The following VTI1A variants were observed in gnomAD, a reference collection of about 807,000 sequenced individuals.
VTI1A encodes the protein vesicle transport through interaction with t-SNAREs 1A.
A neutral mutation model predicts 34.9 loss-of-function variants in VTI1A; 22 were observed. That is an observed-to-expected ratio of 0.63 (90% CI 0.45 to 0.90). The LOEUF is 0.90. Ranked by LOEUF, VTI1A falls within the 40% of genes least tolerant of loss-of-function variation. The pLI is 0.00. For synonymous variants in VTI1A, 87 were observed against 97.3 expected (o/e 0.89, Z 0.62); for missense variants, 268 against 275.6 (o/e 0.97, Z 0.20).
intron 1 of VTI1A, among the ~76,000 whole-genome samples, chr10:112,458,318 C>G (rs1029626614): frequency 2.0e-4 from 30 of 152,144 alleles, no homozygotes; most frequent in African/African-American, 6.5e-4. Flanking sequence ...GTATTTTTCT[C>G]TATCACAAAA....
chr10:112,708,110 G>A (rs1013561382), intron 7 of VTI1A, among the ~76,000 whole-genome samples: 2 of 152,192 alleles, frequency 1.3e-5, no homozygotes, highest in African/African-American at 4.8e-5. Flanking sequence ...CTAAACACAA[G>A]GACTCATTGC....
intron 7 of VTI1A, among the ~76,000 whole-genome samples, chr10:112,794,606 A>G (rs1273643745): frequency 1.2e-4 from 19 of 152,026 alleles, no homozygotes; most frequent in Admixed American, 1.2e-3. Flanking sequence ...TATGATCCCA[A>G]CGCCTAGACA....
chr10:112,662,103 A>T (rs1847483812), intron 5 of VTI1A, among the ~76,000 whole-genome samples: 1 of 152,156 alleles, frequency 6.6e-6, no homozygotes, highest in Non-Finnish European at 1.5e-5. Context: ...GTTTTCAGAA[A>T]TTGGACTGTG....
intron 5 of VTI1A, among the ~76,000 whole-genome samples, chr10:112,559,784 G>T (rs1310419662): frequency 1.3e-5 from 2 of 152,286 alleles, no homozygotes; most frequent in Non-Finnish European, 2.9e-5. Context: ...GATGTTGCTT[G>T]TAACAGAAAA....
chr10:112,732,268 C>G (rs773163764), intron 7 of VTI1A, among the ~76,000 whole-genome samples: 1 of 152,136 alleles, frequency 6.6e-6, no homozygotes, highest in Non-Finnish European at 1.5e-5. Context: ...CTTTAAGCCT[C>G]TCTGCCTTCC....
At chr10:112,562,941 C>T (rs567824540) in intron 5 of VTI1A, among the ~76,000 whole-genome samples, 1 of 152,184 alleles carries the variant, frequency 6.6e-6, no homozygotes, top group Non-Finnish European at 1.5e-5. Flanking sequence ...CTCTTCAGCC[C>T]CCATATCTAC....
At chr10:112,570,965 C>G (rs1852095417) in intron 5 of VTI1A, among the ~76,000 whole-genome samples, 1 of 152,196 alleles carries the variant, frequency 6.6e-6, no homozygotes, top group Admixed American at 6.5e-5. Context: ...CCTATCATCC[C>G]CACTTTACAA....
chr10:112,838,706 A>G, the VTI1A span, among the ~76,000 whole-genome samples: 1 of 152,166 alleles, frequency 6.6e-6, no homozygotes, highest in Non-Finnish European at 1.5e-5. Context: ...GTGGCAGAGA[A>G]GGAGCAGGCC....
intron 5 of VTI1A, 179 bp downstream of exon 5, chr10:112,538,509 A>T (rs1483828520): frequency 1.7e-6 from 1 of 580,778 alleles, no homozygotes; most frequent in East Asian, 2.9e-5. Context: ...AAAAGGCATG[A>T]CATCTACTGA....
chr10:112,659,636 A>G (rs1214059731), intron 5 of VTI1A, among the ~76,000 whole-genome samples: 2 of 152,240 alleles, frequency 1.3e-5, no homozygotes, highest in Non-Finnish European at 2.9e-5. Context: ...TTAAAGCAAA[A>G]TAGAATACAT....
At chr10:112,840,955 C>T in the VTI1A span, among the ~76,000 whole-genome samples, 1 of 152,126 alleles carries the variant, frequency 6.6e-6, no homozygotes, top group Admixed American at 6.5e-5. Context: ...AGATGCTTAG[C>T]ACGACACCTG....
At chr10:112,808,597 C>G in intron 7 of VTI1A, among the ~76,000 whole-genome samples, 1 of 150,028 alleles carries the variant, frequency 6.7e-6, no homozygotes. Flanking sequence ...TGCACTCCAG[C>G]CTGGGCGACA....
At chr10:112,477,258 T>C (rs935743882) in intron 3 of VTI1A, among the ~76,000 whole-genome samples, 3 of 152,218 alleles carry the variant, frequency 2.0e-5, no homozygotes, top group African/African-American at 7.2e-5. Flanking sequence ...AATTGTGCTT[T>C]TGGCTTTTCT....
chr10:112,594,059 GCCAC>G lies in VTI1A; in HGVS notation c.427+55731_427+55734del. 2.0e-5 allele frequency among the ~76,000 whole-genome samples: 3 copies of G among 152,278 alleles called. 1 individual carries two copies. In the South Asian group the frequency reaches 6.2e-4, roughly 32 times the overall value. On this transcript the variant is annotated intron_variant, in intron 5 of 7. Coordinates refer to ENST00000393077, the MANE Select transcript of VTI1A (RefSeq NM_145206.4). ...CGAGCAGCTGGGACTACAGGAGCCTGCCACCATGCCCGGCTAATTTTTTTTGTAT... is the reference window on the plus strand; with the variant it reads ...CGAGCAGCTGGGACTACAGGAGCCTGCATGCCCGGCTAATTTTTTTTGTAT...
intron 7 of VTI1A, among the ~76,000 whole-genome samples, chr10:112,678,845 A>G (rs940575996): frequency 2.0e-5 from 3 of 152,228 alleles, no homozygotes; most frequent in African/African-American, 7.2e-5. Context: ...CTGCACAAAC[A>G]AGGACGAGTT....
chr10:112,591,206 G>T (rs116062938), intron 5 of VTI1A, among the ~76,000 whole-genome samples: 1,826 of 152,166 alleles, frequency 0.012, 41 homozygotes, highest in African/African-American at 0.042. Flanking sequence ...CTCTCTGTTG[G>T]GTACTCAGGT....
At chr10:112,478,676 A>C (rs973605926) in intron 3 of VTI1A, among the ~76,000 whole-genome samples, 70 of 152,344 alleles carry the variant, frequency 4.6e-4, no homozygotes, top group African/African-American at 1.6e-3. Context: ...ACTCTATGAT[A>C]GTAGAGTCAG....
At chr10:112,661,724 T>C (rs567196037) in intron 5 of VTI1A, among the ~76,000 whole-genome samples, 64 of 152,154 alleles carry the variant, frequency 4.2e-4, no homozygotes, top group Admixed American at 1.3e-3. Flanking sequence ...TTCATTCTTA[T>C]TATTGTTCTC....
chr10:112,608,311 G>A (rs1054806352), intron 5 of VTI1A, among the ~76,000 whole-genome samples: 2 of 152,094 alleles, frequency 1.3e-5, no homozygotes, highest in Non-Finnish European at 2.9e-5. Flanking sequence ...TAGAAAACCA[G>A]CTATTTAAAA....
Sources: gnomAD v4.1 joint callset for allele counts (sites outside exome capture counted in the v4.1 genomes callset) on GRCh38, gnomAD v4.1.1 for gene constraint, MANE v1.5 for transcripts, NCBI Gene and HGNC (gene_info 2026-07-23, HGNC 2026-07-21) for gene names.